SREK1: variants seen among roughly 807,000 people sequenced by gnomAD.
SREK1 encodes the protein splicing regulatory glutamine/lysine-rich protein 1.
SREK1 carries 13 observed loss-of-function variants against 66.5 expected under a neutral mutation model. The ratio of observed to expected loss-of-function variants is 0.20; its 90% CI spans 0.13 to 0.31. The LOEUF (loss-of-function observed/expected upper bound fraction) is 0.31, where lower values mean the gene tolerates loss of function less well. SREK1 is among the 10% of genes least tolerant of loss of function. SREK1 has a pLI of 1.00. For missense variants in SREK1, 607 were observed against 769.6 expected (o/e 0.79, Z 2.50); for synonymous variants, 265 against 263.5 (o/e 1.01, Z -0.05).
intron 1 of SREK1, among the ~76,000 whole-genome samples, chr5:66,152,850 G>T (rs1743959620): frequency 6.6e-6 from 1 of 152,166 alleles, no homozygotes; most frequent in African/African-American, 2.4e-5. Flanking sequence ...TTCATTTTTA[G>T]TATCGGCCTG....
chr5:66,177,499 T>C lies in SREK1; in HGVS notation c.1581-15T>C. 1 of 1,549,156 alleles carries C rather than the reference T, an allele frequency of 6.5e-7. No individual in the cohort carries two copies. Among genetic ancestry groups the C allele is most frequent in the Admixed American group, 2.1e-5 (1 of 48,768 alleles). ...AATTTCTTAGAATTTAACTGACATATCAATATTCTTATAGCAGAAATAAGA... is the reference window on the plus strand; with the variant it reads ...AATTTCTTAGAATTTAACTGACATACCAATATTCTTATAGCAGAAATAAGA... On this transcript the variant is annotated splice_polypyrimidine_tract_variant and intron_variant, in intron 10 of 11. Coordinates refer to ENST00000334121, the MANE Select transcript of SREK1 (RefSeq NM_001077199.3).
At chr5:66,151,523 AG>A (rs1743806436) in intron 1 of SREK1, among the ~76,000 whole-genome samples, 2 of 152,190 alleles carry the variant, frequency 1.3e-5, no homozygotes, top group South Asian at 4.1e-4. Context: ...CAGGGGACAG[AG>A]GGCAAGACTG....
In SREK1 at chr5:66,144,535, G is replaced by C; in HGVS notation, c.159G>C (p.Pro53=). 6.5e-7 allele frequency: 1 copy of C among 1,538,644 alleles called. No individual in the cohort carries two copies. The highest frequency in any genetic ancestry group is 8.8e-7 in the Non-Finnish European group (1 of 1,139,738). Residue 53 remains proline (P), a splice_region_variant and synonymous_variant, in exon 1 of 12, where the codon CCG becomes CCC. Coordinates refer to ENST00000334121, the MANE Select transcript of SREK1 (RefSeq NM_001077199.3). ...TCGAGGAGCTGCGGCTCTACCCCCC[G>C]GAGTAAGTGCTGGAGCTCGGCTGGG... ...GEIEELRLYP[P]DNAPLAFSSK... is the part of the protein sequence containing the mutation.
chr5:66,170,162 G>C lies in SREK1; in HGVS notation c.1113G>C (p.Ser371=). The C allele has an allele frequency of 6.2e-7, 1 of 1,610,308 alleles. No homozygotes were observed. Residue 371 remains serine, a synonymous_variant, in exon 8 of 12, where the codon TCG becomes TCC. Transcript: ENST00000334121. The part of the protein sequence containing the change: ...SRERRKSRSR[S]HSRDKRKDTR... ...AGAGACGGAAGTCAAGGAGTCGTTC[G>C]CATTCACGGTGAGTTTTAGAGAAAT...
At position 66,178,733 on chromosome 5, in the gene SREK1, T is replaced by C. The variant is rs371516869; in HGVS notation, c.1740T>C (p.Asn580=). The C allele has an allele frequency of 9.9e-6, 16 of 1,609,862 alleles. No individual in the cohort carries two copies. Among genetic ancestry groups the C allele is most frequent in the African/African-American group, 1.3e-5 (1 of 74,686 alleles). Residue 580 remains asparagine (N), a synonymous_variant, in exon 12 of 12, where the codon AAT becomes AAC. Transcript: ENST00000334121. ...NSTSLKEKEH[N]KEPDSSVSKE... is the part of the protein sequence containing the mutation. ...ACTCATTGTAGGAGAAAGAGCACAA[T>C]AAAGAACCAGATTCAAGTGTGAGCA...
At chr5:66,156,419 G>A (rs1744289724) in intron 2 of SREK1, 2 of 1,089,336 alleles carry the variant, frequency 1.8e-6, no homozygotes, top group South Asian at 4.0e-5. Context: ...TTAAGATAAA[G>A]CAAATTTTCA....
intron 11 of SREK1, among the ~76,000 whole-genome samples, 200 bp downstream of exon 11, chr5:66,177,858 AC>A (rs752152978): frequency 3.3e-5 from 5 of 152,120 alleles, no homozygotes; most frequent in Non-Finnish European, 5.9e-5. Flanking sequence ...AACTAAAAAA[AC>A]TAAGTTAAAT....
At chr5:66,164,125 A>G (rs186623024) in intron 6 of SREK1, 1 of 549,582 alleles carries the variant, frequency 1.8e-6, no homozygotes, top group African/African-American at 1.9e-5. Flanking sequence ...GAATTGAGGC[A>G]CTTTAGTCTG....
At chr5:66,151,166 C>T (rs965757604) in intron 1 of SREK1, among the ~76,000 whole-genome samples, 6 of 152,018 alleles carry the variant, frequency 3.9e-5, no homozygotes, top group South Asian at 2.1e-4. Flanking sequence ...AGACTAAATT[C>T]GTGGGGGTGG....
intron 2 of SREK1, chr5:66,156,310 C>T (rs899048428): frequency 7.7e-7 from 1 of 1,306,628 alleles, no homozygotes; most frequent in African/African-American, 1.5e-5. Flanking sequence ...TTCACTTTAA[C>T]TTGTGAGCTG....
chr5:66,145,800 G>GA (rs1743140541), intron 1 of SREK1, among the ~76,000 whole-genome samples: 1 of 144,804 alleles, frequency 6.9e-6, no homozygotes, highest in Non-Finnish European at 1.5e-5. Context: ...AGATAACACT[G>GA]TCTCCCTTGA....
At position 66,182,351 on chromosome 5, in the gene SREK1, T is replaced by G. The variant is rs1746568548; in HGVS notation, c.*3483T>G. ...TTATTTTCTCATGTTTATTTACTAA[T>G]GTAATTTTCACTTAAAATTAGATGT... On this transcript the variant is annotated 3_prime_UTR_variant, in exon 12 of 12. Transcript: ENST00000334121. 6.6e-6 allele frequency: 1 copy of G among 152,220 alleles called. No individual in the cohort carries two copies. The highest frequency in any genetic ancestry group is 2.1e-4 in the South Asian group (1 of 4,834). The allele number at this position is 152,220 out of a possible 1,614,324, so 9.4% of individuals were successfully genotyped here.
At chr5:66,161,823 A>G (rs542537688) in intron 3 of SREK1, among the ~76,000 whole-genome samples, 13 of 152,342 alleles carry the variant, frequency 8.5e-5, no homozygotes, top group African/African-American at 2.9e-4. Flanking sequence ...TTGTTCACGG[A>G]AACTATAGAA....
At chr5:66,146,613 A>C (rs771720120) in intron 1 of SREK1, among the ~76,000 whole-genome samples, 8 of 151,976 alleles carry the variant, frequency 5.3e-5, no homozygotes, top group Non-Finnish European at 1.0e-4. Context: ...TAGATCCCTC[A>C]TTCATGTTTT....
intron 6 of SREK1, chr5:66,164,244 C>T (rs1024216346): frequency 4.2e-5 from 12 of 287,604 alleles, no homozygotes; most frequent in Non-Finnish European, 6.0e-5. Context: ...TAAAACGTTA[C>T]GACTCAGCAG....
At chr5:66,161,738 A>C (rs917970496) in intron 3 of SREK1, among the ~76,000 whole-genome samples, 1 of 152,226 alleles carries the variant, frequency 6.6e-6, no homozygotes, top group African/African-American at 2.4e-5. Flanking sequence ...TAGTTAATGT[A>C]AATGTGACCA....
Position 66,179,080 on chromosome 5 carries a change from A to C in SREK1, c.*212A>C. 1 of 392,414 alleles carries C rather than the reference A, an allele frequency of 2.5e-6. No individual in the cohort carries two copies. Among genetic ancestry groups the C allele is most frequent in the Non-Finnish European group, 4.4e-6 (1 of 228,618 alleles). The allele number at this position is 392,414 out of a possible 1,614,324, so 24.3% of individuals were successfully genotyped here. On this transcript the variant is annotated 3_prime_UTR_variant, in exon 12 of 12. Transcript: ENST00000334121. ...AAAATAACAGATGTTACCCAAACTC[A>C]TCTTCTAAAATCTGTGCATTTCCAT...
At position 66,179,569 on chromosome 5, in the gene SREK1, T is replaced by C. The variant is rs1188230316; in HGVS notation, c.*701T>C. The C allele has an allele frequency of 1.3e-5, 2 of 152,566 alleles. No homozygotes were observed. Among genetic ancestry groups the C allele is most frequent in the Non-Finnish European group, 2.9e-5 (2 of 67,970 alleles). 9.5% of individuals were successfully genotyped at this position (152,566 alleles called of 1,614,324 possible). A position where few individuals can be genotyped will look rare whatever the true frequency, so the allele number is the denominator to read the frequency against. ...TTGAATACTAATAATGATGAATTAG[T>C]ATTCAGTGTTTAGAATCATTGGGAC... On this transcript the variant is annotated 3_prime_UTR_variant, in exon 12 of 12. Transcript: ENST00000334121.
rs1437189984 is a variant in SREK1, at chr5:66,159,281, C to G, written c.358C>G (p.Leu120Val). The stretch of plus-strand genomic sequence containing the variant: ...GGCTCCTGCTCCAACCATGACAAGT[C>G]TGATGCCTGGTGCAGGATTGCTTCC... ...LLAPAPTMTS[L>V]MPGAGLLPIP... Residue 120 changes from leucine (L) to valine (V), a missense_variant, in exon 3 of 12, where the codon CTG (leucine) becomes GTG (valine). Physicochemically the swap from Leu to Val is conservative, Grantham distance 32. This residue lies in a region of SREK1 where 99 missense variants were observed against 186.6 expected (regional missense o/e 0.53). Transcript: ENST00000334121. 3 of 1,613,646 alleles carry G rather than the reference C, an allele frequency of 1.9e-6. No homozygotes were observed. Among genetic ancestry groups the G allele is most frequent in the Non-Finnish European group, 2.5e-6 (3 of 1,179,850 alleles).
Sources: gnomAD v4.1 joint callset for allele counts (sites outside exome capture counted in the v4.1 genomes callset) on GRCh38, gnomAD v4.1.1 for gene constraint, gnomAD v4.1.1 regional missense constraint, MANE v1.5 for transcripts, NCBI Gene and HGNC (gene_info 2026-07-23, HGNC 2026-07-21) for gene names.